The following RGPD4 variants were observed in gnomAD, a reference collection of about 807,000 sequenced individuals.
RGPD4 encodes the protein ranBP2-like and GRIP domain-containing protein 4.
Under a neutral mutation model 141.1 loss-of-function variants are expected in RGPD4, and 84 were observed. The ratio of observed to expected loss-of-function variants is 0.60; its 90% CI spans 0.50 to 0.71. The LOEUF (loss-of-function observed/expected upper bound fraction) is 0.71, where lower values mean the gene tolerates loss of function less well. RGPD4 is among the 30% of genes least tolerant of loss of function. The pLI is 0.00. For missense variants in RGPD4, 918 were observed against 1,622.4 expected (o/e 0.57, Z 7.46); for synonymous variants, 298 against 566.8 (o/e 0.53, Z 6.74).
intron 22 of RGPD4, among the ~76,000 whole-genome samples, chr2:107,884,252 A>C: frequency 6.6e-6 from 1 of 151,978 alleles, no homozygotes. Flanking sequence ...CTGGGACTAC[A>C]GATGCACGCC....
chr2:107,883,924 T>C (rs950348816), intron 22 of RGPD4, among the ~76,000 whole-genome samples: 9 of 152,120 alleles, frequency 5.9e-5, no homozygotes, highest in African/African-American at 2.2e-4. Context: ...TAGGGGAGAG[T>C]TAGAGACTTA....
At chr2:107,830,256 G>T (rs532100961) in intron 1 of RGPD4, among the ~76,000 whole-genome samples, 12 of 150,424 alleles carry the variant, frequency 8.0e-5, no homozygotes, top group Admixed American at 6.6e-4. Context: ...TGTTTTAAGG[G>T]TATTTTTCCT....
chr2:107,890,705 G>C lies in RGPD4; in HGVS notation c.5267-16G>C, dbSNP rs572846369. The stretch of plus-strand genomic sequence containing the variant: ...ATACTCTCTTTTTTCTTTTTTTTTT[G>C]TTTTACTTTCCAAAGGTGAGGAATA... On this transcript the variant is annotated splice_polypyrimidine_tract_variant and intron_variant, in intron 22 of 22. Coordinates refer to ENST00000408999, the MANE Select transcript of RGPD4 (RefSeq NM_182588.3). 2 of 1,521,194 alleles carry C rather than the reference G, an allele frequency of 1.3e-6. No homozygotes were observed. Among genetic ancestry groups the C allele is most frequent in the Non-Finnish European group, 1.8e-6 (2 of 1,138,366 alleles). The allele number at this position is 1,521,194 out of a possible 1,614,324, so 94.2% of individuals were successfully genotyped here.
intron 1 of RGPD4, among the ~76,000 whole-genome samples, chr2:107,830,114 C>G (rs1427968459): frequency 6.6e-6 from 1 of 151,950 alleles, no homozygotes; most frequent in South Asian, 2.1e-4. Context: ...CTCCACTCCA[C>G]TCCTCATACT....
intron 1 of RGPD4, among the ~76,000 whole-genome samples, chr2:107,831,202 A>G (rs1681473152): frequency 2.8e-5 from 4 of 144,604 alleles, no homozygotes; most frequent in Admixed American, 1.4e-4. Context: ...GAAAAAAAAT[A>G]TATAATTCTT....
rs201742499 is a variant in RGPD4, at chr2:107,872,295, G to C, written c.4291G>C (p.Ala1431Pro). 3.1e-6 allele frequency: 5 copies of C among 1,610,122 alleles called. No individual in the cohort carries two copies. The highest frequency in any genetic ancestry group is 4.2e-6 in the Non-Finnish European group (5 of 1,179,654). The change falls in exon 20 of 23, where the codon GCA becomes CCA. Residue 1431 changes from alanine to proline, a missense_variant. Coordinates refer to ENST00000408999, the MANE Select transcript of RGPD4 (RefSeq NM_182588.3). ...GACAGAAAGAGTATGGGTGTGGACTGCATGTGATTTTGCAGATGGAGAAAG... is the reference window on the plus strand; with the variant it reads ...GACAGAAAGAGTATGGGTGTGGACTCCATGTGATTTTGCAGATGGAGAAAG... ...KGTERVWVWT[A>P]CDFADGERKV... is the part of the protein sequence containing the mutation.
intron 1 of RGPD4, among the ~76,000 whole-genome samples, chr2:107,829,734 C>T (rs533117979): frequency 6.6e-6 from 1 of 152,138 alleles, no homozygotes; most frequent in Non-Finnish European, 1.5e-5. Flanking sequence ...TCCTCTTTCT[C>T]CCGGCTTGTT....
intron 20 of RGPD4, among the ~76,000 whole-genome samples, chr2:107,874,770 G>C (rs1683042253): frequency 6.6e-6 from 1 of 151,134 alleles, no homozygotes; most frequent in Non-Finnish European, 1.5e-5. Flanking sequence ...TTAGACATGA[G>C]TAAACTGTGG....
At chr2:107,884,462 T>C (rs1464182669) in intron 22 of RGPD4, among the ~76,000 whole-genome samples, 2 of 149,926 alleles carry the variant, frequency 1.3e-5, no homozygotes, top group Non-Finnish European at 3.0e-5. Flanking sequence ...GTGCCACTTA[T>C]TAATTGAAGA....
intron 22 of RGPD4, among the ~76,000 whole-genome samples, chr2:107,885,672 A>G (rs1305220503): frequency 1.3e-5 from 2 of 152,178 alleles, no homozygotes; most frequent in Non-Finnish European, 2.9e-5. Context: ...TCTCTTATCA[A>G]TGTGAGTACA....
At position 107,834,615 on chromosome 2, in the gene RGPD4, T is replaced by C. The variant is rs1681608809; in HGVS notation, c.73-1987T>C. On this transcript the variant is annotated intron_variant, in intron 1 of 22. Transcript: ENST00000408999. ...TTGTGTTCAAGTAACCCTTATTTTA[T>C]TTAAAATGGCACCAAAGAGCAAGAG... Among the ~76,000 whole-genome samples, 3 of 151,722 alleles carry C rather than the reference T, an allele frequency of 2.0e-5. No homozygotes were observed. In the South Asian group the frequency reaches 6.2e-4, roughly 32 times the overall value.
intron 6 of RGPD4, among the ~76,000 whole-genome samples, chr2:107,846,234 T>C (rs961830459): frequency 3.4e-5 from 5 of 148,672 alleles, no homozygotes; most frequent in Non-Finnish European, 7.4e-5. Context: ...CTGGTCTCGA[T>C]CTCTTGACCT....
rs1277280027 is a variant in RGPD4 at position 107,867,184 on chromosome 2, A to G, written c.2605+859A>G. Among the ~76,000 whole-genome samples the G allele has an allele frequency of 6.0e-5, 9 of 149,202 alleles. No individual in the cohort carries two copies. In the Admixed American group the frequency reaches 6.0e-4, roughly 10 times the overall value. On this transcript the variant is annotated intron_variant, in intron 18 of 22. Coordinates refer to ENST00000408999, the MANE Select transcript of RGPD4 (RefSeq NM_182588.3). ...GTAACTCCAAAGCACTTGCCAGTAT[A>G]ATACATTGCTCCCAGGCAGCCAGAA...
chr2:107,885,293 G>A (rs1675480758), intron 22 of RGPD4, among the ~76,000 whole-genome samples: 3 of 152,194 alleles, frequency 2.0e-5, no homozygotes, highest in Middle Eastern at 6.8e-3. Context: ...TAATTTTATA[G>A]TTATAAAATT....
chr2:107,874,178 C>T (rs1017031591), intron 20 of RGPD4, among the ~76,000 whole-genome samples: 3 of 151,454 alleles, frequency 2.0e-5, no homozygotes, highest in East Asian at 1.9e-4. Context: ...TAGCCACTAA[C>T]GTCTGCCAGT....
At position 107,891,220 on chromosome 2, in the gene RGPD4, G is replaced by A. The variant is rs1397320959; in HGVS notation, c.*489G>A. On this transcript the variant is annotated 3_prime_UTR_variant, in exon 23 of 23. Transcript: ENST00000408999. Reference sequence around the variant, plus strand: ...TGCCTGAAATCCCACTACTTTGGGAGGCTGAGGCTGGAGAATCGTTTGAGG... The same window carrying A: ...TGCCTGAAATCCCACTACTTTGGGAAGCTGAGGCTGGAGAATCGTTTGAGG... 7.2e-6 allele frequency among the ~76,000 whole-genome samples: 1 copy of A among 138,140 alleles called. No individual in the cohort carries two copies. Among genetic ancestry groups the A allele is most frequent in the African/African-American group, 3.0e-5 (1 of 33,644 alleles). 90.6% of individuals were successfully genotyped at this position (138,140 alleles called of 152,430 possible).
chr2:107,858,654 G>A (rs1179910732), intron 9 of RGPD4, among the ~76,000 whole-genome samples: 1 of 151,082 alleles, frequency 6.6e-6, no homozygotes, highest in Non-Finnish European at 1.5e-5. Context: ...TGGCCAGGCT[G>A]GTCTCGAACT....
In RGPD4 at chr2:107,887,116, C is replaced by T. The variant is rs3178995; in HGVS notation, c.5267-3605C>T. ...AATATGCCAGTTCTGGTGGCATGTGCCCATAGTCCTAGCTACTCGGGAGGC... is the reference window on the plus strand; with the variant it reads ...AATATGCCAGTTCTGGTGGCATGTGTCCATAGTCCTAGCTACTCGGGAGGC... On this transcript the variant is annotated intron_variant, in intron 22 of 22. Coordinates refer to ENST00000408999, the MANE Select transcript of RGPD4 (RefSeq NM_182588.3). Among the ~76,000 whole-genome samples the T allele has an allele frequency of 3.6e-3, 534 of 150,340 alleles. 6 individuals are homozygous for T. The highest frequency in any genetic ancestry group is 0.012 in the African/African-American group (495 of 40,756).
intron 1 of RGPD4, among the ~76,000 whole-genome samples, chr2:107,829,844 C>G (rs1165043628): frequency 1.3e-5 from 2 of 152,056 alleles, no homozygotes; most frequent in African/African-American, 4.8e-5. Context: ...GGGGCTTAGG[C>G]ACCCGGGTGC....
Sources: allele counts gnomAD v4.1 joint callset (sites outside exome capture counted in the v4.1 genomes callset), GRCh38; gene constraint gnomAD v4.1.1; transcripts MANE v1.5; gene names NCBI Gene and HGNC (gene_info 2026-07-23, HGNC 2026-07-21).